IL1RAPL1: variants seen among roughly 807,000 people sequenced by gnomAD.
IL1RAPL1 encodes the protein interleukin-1 receptor accessory protein-like 1.
A neutral mutation model predicts 48.4 loss-of-function variants in IL1RAPL1; 3 were observed. The ratio of observed to expected loss-of-function variants is 0.06; its 90% CI spans 0.03 to 0.16. The LOEUF (loss-of-function observed/expected upper bound fraction) is 0.16, where lower values mean the gene tolerates loss of function less well. Ranked by LOEUF, IL1RAPL1 falls within the 10% of genes least tolerant of loss-of-function variation. The probability of loss-of-function intolerance (pLI) is 1.00; values close to 1 mark genes in which losing one functional copy is unlikely to be tolerated. For synonymous variants in IL1RAPL1, 185 were observed against 187.7 expected, an observed-to-expected ratio of 0.99 and a Z score of 0.12; for missense variants, 349 against 530.6, an observed-to-expected ratio of 0.66 and a Z score of 3.36.
intron 1 of IL1RAPL1, among the ~76,000 whole-genome samples, chrX:28,729,378 G>A (rs978465554): frequency 1.2e-4 from 13 of 111,057 alleles, no homozygotes; most frequent in Non-Finnish European, 2.1e-4. Context: ...GGTTATATAT[G>A]CTATTATGAA....
chrX:28,859,991 C>T (rs747523357), intron 2 of IL1RAPL1, among the ~76,000 whole-genome samples: 51 of 110,241 alleles, frequency 4.6e-4, no homozygotes, highest in Non-Finnish European at 8.9e-4. Context: ...TTGAAGGTAC[C>T]ACTCACTTCA....
intron 1 of IL1RAPL1, among the ~76,000 whole-genome samples, chrX:28,767,612 T>C (rs758458827): frequency 4.5e-5 from 5 of 110,797 alleles, no homozygotes; most frequent in African/African-American, 1.3e-4. Context: ...CACACAAACA[T>C]ACACACATGT....
intron 6 of IL1RAPL1, among the ~76,000 whole-genome samples, chrX:29,717,203 T>TAC (rs61417683): frequency 0.032 from 3,010 of 95,460 alleles, 48 homozygotes; most frequent in Middle Eastern, 0.036. Context: ...AGAGCCAGAT[T>TAC]ACACACACAC....
At chrX:29,565,838 C>G (rs1262577012) in intron 5 of IL1RAPL1, among the ~76,000 whole-genome samples, 1 of 111,265 alleles carries the variant, frequency 9.0e-6, no homozygotes, top group Non-Finnish European at 1.9e-5. Flanking sequence ...TAAAGGCCAT[C>G]AAAATGGAGT....
intron 5 of IL1RAPL1, among the ~76,000 whole-genome samples, chrX:29,441,265 C>T (rs1342303271): frequency 9.0e-6 from 1 of 111,633 alleles, no homozygotes; most frequent in East Asian, 2.8e-4. Context: ...CCAAAATCAA[C>T]TCATTGCTTT....
intron 2 of IL1RAPL1, among the ~76,000 whole-genome samples, chrX:28,955,221 T>C (rs1924572879): frequency 1.8e-5 from 2 of 111,633 alleles, no homozygotes; most frequent in African/African-American, 6.5e-5. Context: ...TACATTGATA[T>C]AATGACGGAT....
At chrX:29,646,026 A>T (rs959125147) in intron 5 of IL1RAPL1, among the ~76,000 whole-genome samples, 3 of 112,146 alleles carry the variant, frequency 2.7e-5, no homozygotes, top group Non-Finnish European at 5.6e-5. Flanking sequence ...TTGATTCATG[A>T]CTACAAGGAC....
chrX:28,625,820 T>C (rs10521944), intron 1 of IL1RAPL1, among the ~76,000 whole-genome samples: 8,636 of 110,178 alleles, frequency 0.078, 298 homozygotes, highest in African/African-American at 0.12. Flanking sequence ...TAATATCTGT[T>C]CAAATTCTAC....
At chrX:28,935,073 T>C (rs1012394685) in intron 2 of IL1RAPL1, among the ~76,000 whole-genome samples, 1 of 112,070 alleles carries the variant, frequency 8.9e-6, no homozygotes, top group Non-Finnish European at 1.9e-5. Flanking sequence ...AGCAGTTCTG[T>C]GGATTTATTT....
At chrX:29,447,056 C>T (rs1344733257) in intron 5 of IL1RAPL1, among the ~76,000 whole-genome samples, 2 of 111,502 alleles carry the variant, frequency 1.8e-5, no homozygotes, top group African/African-American at 6.5e-5. Flanking sequence ...CTGAAATCAA[C>T]TAAATACATT....
chrX:29,327,758 C>A (rs1004455593), intron 3 of IL1RAPL1, among the ~76,000 whole-genome samples: 4 of 108,546 alleles, frequency 3.7e-5, no homozygotes, highest in African/African-American at 1.3e-4. Flanking sequence ...GTGCACAAAC[C>A]CTTTTCTGCA....
chrX:29,636,778 C>T (rs1602338930), intron 5 of IL1RAPL1, among the ~76,000 whole-genome samples: 1 of 111,807 alleles, frequency 8.9e-6, no homozygotes, highest in Admixed American at 9.5e-5. Context: ...GTGGCTCACG[C>T]CTGTAATCCC....
chrX:29,167,955 T>G (rs528881207), intron 2 of IL1RAPL1, among the ~76,000 whole-genome samples: 4 of 111,202 alleles, frequency 3.6e-5, no homozygotes, highest in African/African-American at 1.3e-4. Context: ...TAAAAAGCGA[T>G]TATCACCATG....
intron 1 of IL1RAPL1, among the ~76,000 whole-genome samples, chrX:28,664,990 T>C (rs1934860067): frequency 8.9e-6 from 1 of 112,187 alleles, no homozygotes; most frequent in South Asian, 3.7e-4. Flanking sequence ...TTCCATTTGC[T>C]TTTAGAGGGA....
chrX:29,900,824 T>TGAC (rs1183297363), intron 6 of IL1RAPL1, among the ~76,000 whole-genome samples: 1 of 112,037 alleles, frequency 8.9e-6, no homozygotes, highest in Admixed American at 9.5e-5. Context: ...TGCCACACTA[T>TGAC]GACCTGTGAG....
At chrX:28,814,597 A>C (rs1273173823) in intron 2 of IL1RAPL1, among the ~76,000 whole-genome samples, 1 of 110,476 alleles carries the variant, frequency 9.1e-6, no homozygotes, top group African/African-American at 3.3e-5. Flanking sequence ...TGTACACAGC[A>C]CATCCTTGTG....
intron 2 of IL1RAPL1, among the ~76,000 whole-genome samples, chrX:28,819,836 G>GT (rs1936911518): frequency 9.5e-6 from 1 of 105,132 alleles, no homozygotes; most frequent in African/African-American, 3.4e-5. Flanking sequence ...GAATTGCATA[G>GT]TTTTTTCCAT....
rs944016141 is a variant in IL1RAPL1, at chrX:29,039,199, A to G, written c.83-243739A>G. 7.3e-4 allele frequency among the ~76,000 whole-genome samples: 81 copies of G among 111,689 alleles called. 1 individual carries two copies. The highest frequency in any genetic ancestry group is 1.3e-3 in the Non-Finnish European group (70 of 53,093). ...GATTCTGGAATAAACATGCCAGACTACTATTAAGTAGACAACTCACTGGTC... is the reference window on the plus strand; with the variant it reads ...GATTCTGGAATAAACATGCCAGACTGCTATTAAGTAGACAACTCACTGGTC... On this transcript the variant is annotated intron_variant, in intron 2 of 10. Transcript: ENST00000378993.
intron 5 of IL1RAPL1, among the ~76,000 whole-genome samples, chrX:29,582,665 T>G (rs1923015060): frequency 1.8e-5 from 1 of 56,303 alleles, no homozygotes; most frequent in Non-Finnish European, 3.2e-5. Context: ...GTTCTTGCGA[T>G]AGTTTACTGA....
Sources: gnomAD v4.1 joint callset for allele counts (sites outside exome capture counted in the v4.1 genomes callset) on GRCh38, gnomAD v4.1.1 for gene constraint, MANE v1.5 for transcripts, NCBI Gene and HGNC (gene_info 2026-07-23, HGNC 2026-07-21) for gene names.